The following ASTN2 variants were observed in gnomAD, a reference collection of about 807,000 sequenced individuals.
ASTN2 encodes the protein astrotactin 2.
In ASTN2, 54 loss-of-function variants were observed where a neutral mutation model predicts 139.8. That is an observed-to-expected ratio of 0.39 (90% confidence interval 0.31 to 0.48). The LOEUF (loss-of-function observed/expected upper bound fraction) is 0.48, where lower values mean the gene tolerates loss of function less well. ASTN2 is among the 20% of genes least tolerant of loss of function. ASTN2 has a pLI of 0.95. For missense variants in ASTN2, 1,565 were observed against 1,725.1 expected, an observed-to-expected ratio of 0.91 and a Z score of 1.64; for synonymous variants, 756 against 719.5, an observed-to-expected ratio of 1.05 and a Z score of -0.81.
intron 16 of ASTN2, among the ~76,000 whole-genome samples, chr9:116,682,012 A>G (rs1859906227): frequency 6.6e-6 from 1 of 151,954 alleles, no homozygotes; most frequent in Non-Finnish European, 1.5e-5. Context: ...AACAAAAGCC[A>G]AAATTGACAA....
At chr9:117,287,637 T>G (rs1281866924) in intron 2 of ASTN2, among the ~76,000 whole-genome samples, 1 of 152,150 alleles carries the variant, frequency 6.6e-6, no homozygotes, top group African/African-American at 2.4e-5. Context: ...AGAACAAAAT[T>G]TGGAACACTG....
chr9:116,960,473 A>AT (rs34290104), intron 10 of ASTN2, among the ~76,000 whole-genome samples: 3 of 148,412 alleles, frequency 2.0e-5, no homozygotes, highest in African/African-American at 7.4e-5. Context: ...TCTAGGCCTG[A>AT]TTTTTTTTTT....
chr9:116,610,541 T>C (rs930250280), intron 19 of ASTN2, among the ~76,000 whole-genome samples: 16 of 151,784 alleles, frequency 1.1e-4, no homozygotes, highest in African/African-American at 3.9e-4. Context: ...GAGGCAGAGG[T>C]TGTGTTGGCT....
At chr9:117,049,844 C>T (rs16934254) in intron 5 of ASTN2, among the ~76,000 whole-genome samples, 4,086 of 151,974 alleles carry the variant, frequency 0.027, 181 homozygotes, top group African/African-American at 0.091. Context: ...AGCAGGCTGA[C>T]GAAATGCATT....
At chr9:116,607,882 A>G (rs1168629421) in intron 19 of ASTN2, among the ~76,000 whole-genome samples, 1 of 152,148 alleles carries the variant, frequency 6.6e-6, no homozygotes, top group African/African-American at 2.4e-5. Context: ...AATCGCTTGA[A>G]TCTGGGAGAT....
In ASTN2 at chr9:116,651,552, G is replaced by A. The variant is rs1857915695; in HGVS notation, c.3048C>T (p.Leu1016=). Residue 1016 remains leucine, a synonymous_variant, in exon 17 of 23, where the codon CTC becomes CTT. Coordinates refer to ENST00000313400, the MANE Select transcript of ASTN2 (RefSeq NM_001365068.1). The part of the protein sequence containing the change: ...EINRVVPLYT[L]IQDNGTKEAF... ...CCTCCTTTGTGCCATTGTCTTGGAT[G>A]AGGGTATAAAGTGGCACCACACGGT... 1.2e-6 allele frequency: 2 copies of A among 1,614,138 alleles called. No individual in the cohort carries two copies. Among genetic ancestry groups the A allele is most frequent in the Non-Finnish European group, 1.7e-6 (2 of 1,179,988 alleles).
At chr9:117,205,482 C>T (rs894170384) in intron 3 of ASTN2, among the ~76,000 whole-genome samples, 1 of 152,068 alleles carries the variant, frequency 6.6e-6, no homozygotes, top group African/African-American at 2.4e-5. Context: ...GTAAATGGGA[C>T]AAGATTTGAA....
intron 13 of ASTN2, among the ~76,000 whole-genome samples, chr9:116,753,175 A>G (rs1829443549): frequency 6.6e-6 from 1 of 152,250 alleles, no homozygotes; most frequent in Non-Finnish European, 1.5e-5. Flanking sequence ...CCACAATTTT[A>G]AAAAATGAGC....
chr9:117,314,037 C>T (rs1466214474), intron 1 of ASTN2, among the ~76,000 whole-genome samples: 1 of 152,162 alleles, frequency 6.6e-6, no homozygotes. Flanking sequence ...AACTAACAGG[C>T]AGAAGCTTTT....
At chr9:117,000,557 G>A (rs531231698) in intron 7 of ASTN2, among the ~76,000 whole-genome samples, 1 of 152,320 alleles carries the variant, frequency 6.6e-6, no homozygotes, top group Non-Finnish European at 1.5e-5. Flanking sequence ...GAGAGTCAAA[G>A]CCTAATGATT....
At chr9:116,721,556 G>C (rs1828473614) in intron 16 of ASTN2, among the ~76,000 whole-genome samples, 1 of 152,170 alleles carries the variant, frequency 6.6e-6, no homozygotes, top group Non-Finnish European at 1.5e-5. Context: ...CTGCTTGGGG[G>C]AATGGCACGG....
At chr9:116,451,344 T>A (rs1264897638) in intron 20 of ASTN2, among the ~76,000 whole-genome samples, 1 of 152,148 alleles carries the variant, frequency 6.6e-6, no homozygotes, top group Non-Finnish European at 1.5e-5. Context: ...GTATCTCCAA[T>A]ACCTGAGGAG....
At chr9:117,153,712 C>T (rs1830373859) in intron 3 of ASTN2, among the ~76,000 whole-genome samples, 1 of 152,080 alleles carries the variant, frequency 6.6e-6, no homozygotes, top group Non-Finnish European at 1.5e-5. Context: ...TCCTCACAGC[C>T]ACCTTTCCTT....
intron 16 of ASTN2, among the ~76,000 whole-genome samples, chr9:116,659,373 G>T (rs1382229458): frequency 6.6e-6 from 1 of 152,062 alleles, no homozygotes; most frequent in African/African-American, 2.4e-5. Context: ...GCATAAATCT[G>T]ACTCCTGTCC....
chr9:117,405,468 A>G (rs1166651348), intron 1 of ASTN2, among the ~76,000 whole-genome samples: 1 of 152,232 alleles, frequency 6.6e-6, no homozygotes, highest in Non-Finnish European at 1.5e-5. Flanking sequence ...TACATGTTAC[A>G]TAAAATGGTC....
At chr9:116,631,243 G>C (rs1358575651) in intron 17 of ASTN2, among the ~76,000 whole-genome samples, 1 of 152,152 alleles carries the variant, frequency 6.6e-6, no homozygotes, top group Admixed American at 6.5e-5. Flanking sequence ...ATGCTAAAGA[G>C]ATATCTGCAC....
At chr9:116,538,084 C>T (rs570410363) in intron 19 of ASTN2, among the ~76,000 whole-genome samples, 1 of 152,192 alleles carries the variant, frequency 6.6e-6, no homozygotes, top group East Asian at 1.9e-4. Context: ...TACAACAATG[C>T]CTCCTAGTTG....
chr9:117,305,751 C>T lies in ASTN2; in HGVS notation c.443-14238G>A, dbSNP rs555617201. 5.9e-5 allele frequency among the ~76,000 whole-genome samples: 9 copies of T among 152,174 alleles called. No homozygotes were observed. In the East Asian group the frequency reaches 7.7e-4, roughly 13 times the overall value. On this transcript the variant is annotated intron_variant, in intron 1 of 22. Coordinates refer to ENST00000313400, the MANE Select transcript of ASTN2 (RefSeq NM_001365068.1). ...ACACTTATTAAGTGCTTACTCTGTGCGAGTCTCTGTTCTTAGCTGTGTGCA... is the reference window on the plus strand; with the variant it reads ...ACACTTATTAAGTGCTTACTCTGTGTGAGTCTCTGTTCTTAGCTGTGTGCA...
intron 10 of ASTN2, among the ~76,000 whole-genome samples, chr9:116,934,160 T>C (rs2132456692): frequency 6.6e-6 from 1 of 152,056 alleles, no homozygotes; most frequent in South Asian, 2.1e-4. Flanking sequence ...CCGAATATCA[T>C]CAGCTCCATT....
Sources: gnomAD v4.1 joint callset for allele counts (sites outside exome capture counted in the v4.1 genomes callset) on GRCh38, gnomAD v4.1.1 for gene constraint, MANE v1.5 for transcripts, NCBI Gene and HGNC (gene_info 2026-07-23, HGNC 2026-07-21) for gene names.